The following COL27A1 variants were observed in gnomAD, a reference collection of about 807,000 sequenced individuals.
The protein encoded by COL27A1 is collagen alpha-1(XXVII) chain.
A neutral mutation model predicts 251.3 loss-of-function variants in COL27A1; 106 were observed. That is an observed-to-expected ratio of 0.42 (90% CI 0.36 to 0.50). COL27A1 has a LOEUF of 0.50. COL27A1 is among the 20% of genes least tolerant of loss of function. The pLI is 0.00. For synonymous variants in COL27A1, 1,000 were observed against 986.3 expected, an observed-to-expected ratio of 1.01 and a Z score of -0.26; for missense variants, 2,325 against 2,522.8, an observed-to-expected ratio of 0.92 and a Z score of 1.68.
chr9:114,307,905 TC>T, intron 59 of COL27A1, 127 bp downstream of exon 59: 1 of 626,328 alleles, frequency 1.6e-6, no homozygotes, highest in Non-Finnish European at 2.8e-6. Flanking sequence ...GGGAAAGTTA[TC>T]GCCTCCTTCC....
chr9:114,221,903 G>A (rs752293851), intron 13 of COL27A1, among the ~76,000 whole-genome samples: 5 of 152,236 alleles, frequency 3.3e-5, no homozygotes, highest in African/African-American at 9.7e-5. Flanking sequence ...TAAAATGAGC[G>A]TGAAATGTCA....
In COL27A1 at chr9:114,183,054, C is replaced by T; in HGVS notation, c.1995C>T (p.Leu665=). ...GPPGPYGNPG[L]PGPPGAKGQK... Reference sequence around the variant, plus strand: ...CTGGGCCTTATGGAAATCCAGGTCTCCCCGGCCCTCCTGGAGCCAAAGTGA... The same window carrying T: ...CTGGGCCTTATGGAAATCCAGGTCTTCCCGGCCCTCCTGGAGCCAAAGTGA... Residue 665 remains leucine (L), a synonymous_variant, in exon 5 of 61, where the codon CTC becomes CTT. Coordinates refer to ENST00000356083, the MANE Select transcript of COL27A1 (RefSeq NM_032888.4). The T allele has an allele frequency of 6.2e-7, 1 of 1,613,344 alleles. No individual in the cohort carries two copies.
chr9:114,176,630 C>A (rs938790834), intron 3 of COL27A1, among the ~76,000 whole-genome samples: 7 of 152,016 alleles, frequency 4.6e-5, no homozygotes, highest in Non-Finnish European at 8.8e-5. Context: ...GTGGGTAAGA[C>A]TGGCACCCAG....
In COL27A1 at chr9:114,253,495, T is replaced by TGAAG. The variant is rs905920112; in HGVS notation, c.3141+576_3141+579dup. Among the ~76,000 whole-genome samples, 183 of 145,364 alleles carry TGAAG rather than the reference T, an allele frequency of 1.3e-3. 1 individual carries two copies. Among genetic ancestry groups the TGAAG allele is most frequent in the African/African-American group, 4.6e-3 (178 of 39,120 alleles). ...AAGGAAAAGAAAAGAAAGGAAGGAATGAAGGAAGGAAGGAAGAACAGAAGA... is the reference window on the plus strand; with the variant it reads ...AAGGAAAAGAAAAGAAAGGAAGGAATGAAGGAAGGAAGGAAGGAAGAACAGAAGA... On this transcript the variant is annotated intron_variant, in intron 27 of 60. Coordinates refer to ENST00000356083, the MANE Select transcript of COL27A1 (RefSeq NM_032888.4).
At position 114,240,455 on chromosome 9, in the gene COL27A1, C is replaced by G; in HGVS notation, c.2803C>G (p.Leu935Val). ...GMKGKPGARGLPGPRGQLGPE... is the reference protein window; with the variant it reads ...GMKGKPGARGVPGPRGQLGPE... ...CCAGGGTAAGCCTGGAGCCCGAGGC[C>G]TGCCGGGACCCCGTGGGCAGCTGGG... Residue 935 changes from leucine to valine, a missense_variant, in exon 21 of 61, where the codon CTG becomes GTG. By Grantham distance (32) the Leu-to-Val change is conservative. This residue lies in a region of COL27A1 where 662 missense variants were observed against 795.3 expected (regional missense o/e 0.83). Transcript: ENST00000356083. The G allele has an allele frequency of 1.2e-6, 2 of 1,612,994 alleles. No individual in the cohort carries two copies. Among genetic ancestry groups the G allele is most frequent in the Non-Finnish European group, 1.7e-6 (2 of 1,179,898 alleles).
In COL27A1 at chr9:114,311,540, G is replaced by C. The variant is rs369258709; in HGVS notation, c.*845G>C. The C allele has an allele frequency of 6.3e-5, 2 of 31,860 alleles. No homozygotes were observed. Among genetic ancestry groups the C allele is most frequent in the East Asian group, 2.2e-3 (2 of 898 alleles). The allele number at this position is 31,860 out of a possible 1,614,324, so 2.0% of individuals were successfully genotyped here. On this transcript the variant is annotated 3_prime_UTR_variant, in exon 61 of 61. Transcript: ENST00000356083. ...ATCTGCTAAGGAGGAAAAAAGAAAAGAAAAAAGGAAAAAAAAAAAAAAAAA... is the reference window on the plus strand; with the variant it reads ...ATCTGCTAAGGAGGAAAAAAGAAAACAAAAAAGGAAAAAAAAAAAAAAAAA...
At chr9:114,206,151 A>T in intron 9 of COL27A1, 101 bp from the exon 10 acceptor site, 1 of 1,168,568 alleles carries the variant, frequency 8.6e-7, no homozygotes, top group Non-Finnish European at 1.3e-6. Context: ...CCATTCTACA[A>T]AGAGAGCAGC....
intron 16 of COL27A1, among the ~76,000 whole-genome samples, chr9:114,233,547 A>G (rs1391212422): frequency 6.6e-6 from 1 of 152,126 alleles, no homozygotes; most frequent in Non-Finnish European, 1.5e-5. Flanking sequence ...GTTTATCCCA[A>G]GGTTTGAGAC....
chr9:114,283,664 G>A (rs2131595931), intron 39 of COL27A1, 45 bp from the exon 40 acceptor site: 1 of 1,587,638 alleles, frequency 6.3e-7, no homozygotes, highest in Admixed American at 1.7e-5. Context: ...TGTCCCCGCT[G>A]TGAGAGCCAC....
chr9:114,156,935 T>C (rs1848159334), intron 1 of COL27A1, among the ~76,000 whole-genome samples: 1 of 151,952 alleles, frequency 6.6e-6, no homozygotes, highest in South Asian at 2.1e-4. Context: ...ACCAGGACAC[T>C]CCCCAGAGGC....
intron 14 of COL27A1, among the ~76,000 whole-genome samples, chr9:114,223,262 G>A (rs1258344415): frequency 1.3e-5 from 2 of 152,154 alleles, no homozygotes; most frequent in Non-Finnish European, 2.9e-5. Context: ...GCCCGTGGAG[G>A]GACACAAGTA....
At chr9:114,304,746 G>A (rs1828908489) in intron 57 of COL27A1, 73 bp downstream of exon 57, 49 of 1,336,320 alleles carry the variant, frequency 3.7e-5, no homozygotes, top group South Asian at 3.4e-4. Context: ...CCCACATGTG[G>A]TCAGTGCCTT....
chr9:114,178,923 C>T (rs1311015105), intron 4 of COL27A1, among the ~76,000 whole-genome samples: 2 of 152,112 alleles, frequency 1.3e-5, no homozygotes, highest in African/African-American at 2.4e-5. Context: ...TCATGCCCAC[C>T]CCAAGTTCCC....
intron 56 of COL27A1, 106 bp downstream of exon 56, chr9:114,302,214 G>C: frequency 1.1e-6 from 1 of 917,268 alleles, no homozygotes; most frequent in Non-Finnish European, 1.8e-6. Flanking sequence ...CCCTAAGCTG[G>C]GTCTAGGGAC....
intron 40 of COL27A1, among the ~76,000 whole-genome samples, chr9:114,284,476 C>T (rs557746325): frequency 1.3e-5 from 2 of 152,262 alleles, no homozygotes; most frequent in South Asian, 2.1e-4. Flanking sequence ...AGTCACCCTT[C>T]CAGGTCTGCT....
chr9:114,265,603 C>A, intron 32 of COL27A1, 128 bp downstream of exon 32: 1 of 883,426 alleles, frequency 1.1e-6, no homozygotes. Context: ...GTGGGCCAGG[C>A]CTTGGGGTTG....
rs80067895 is a variant in COL27A1, at chr9:114,190,832, G to A, written c.2017-3572G>A. Among the ~76,000 whole-genome samples, 85 of 152,320 alleles carry A rather than the reference G, an allele frequency of 5.6e-4. 1 individual carries two copies. The highest frequency in any genetic ancestry group is 3.4e-3 in the Middle Eastern group (1 of 294). Reference sequence around the variant, plus strand: ...TGCTCAAGGTCACACAGGCTCTGTCGTGGTCACACAAGCTCATTGGCTGGA... The same window carrying A: ...TGCTCAAGGTCACACAGGCTCTGTCATGGTCACACAAGCTCATTGGCTGGA... On this transcript the variant is annotated intron_variant, in intron 5 of 60. Transcript: ENST00000356083.
At chr9:114,245,507 C>T (rs1486078949) in intron 23 of COL27A1, among the ~76,000 whole-genome samples, 3 of 152,172 alleles carry the variant, frequency 2.0e-5, no homozygotes, top group Non-Finnish European at 4.4e-5. Flanking sequence ...CTAGCCCTAC[C>T]TCTGGCTCAC....
In COL27A1 at chr9:114,301,129, T is replaced by A. The variant is rs1393610052; in HGVS notation, c.4755+4T>A. The A allele has an allele frequency of 6.2e-7, 1 of 1,613,644 alleles. No individual in the cohort carries two copies. The highest frequency in any genetic ancestry group is 1.7e-5 in the Admixed American group (1 of 59,970). Reference sequence around the variant, plus strand: ...CCTGGGACCTTCGGGACTCCCGGTATGTGTGGGGATTGGACAGGAAGACTC... The same window carrying A: ...CCTGGGACCTTCGGGACTCCCGGTAAGTGTGGGGATTGGACAGGAAGACTC... On this transcript the variant is annotated splice_donor_region_variant and intron_variant, in intron 52 of 60. Coordinates refer to ENST00000356083, the MANE Select transcript of COL27A1 (RefSeq NM_032888.4).
Sources: gnomAD v4.1 joint callset for allele counts (sites outside exome capture counted in the v4.1 genomes callset) on GRCh38, gnomAD v4.1.1 for gene constraint, gnomAD v4.1.1 regional missense constraint, MANE v1.5 for transcripts, NCBI Gene and HGNC (gene_info 2026-07-23, HGNC 2026-07-21) for gene names.